KLHL1: variants seen among roughly 807,000 people sequenced by gnomAD.
KLHL1 encodes the protein kelch-like protein 1.
Under a neutral mutation model 77.7 loss-of-function variants are expected in KLHL1, and 47 were observed. That is an observed-to-expected ratio of 0.60 (90% CI 0.48 to 0.77). The LOEUF (loss-of-function observed/expected upper bound fraction) is 0.77. Ranked by LOEUF, KLHL1 falls within the 30% of genes least tolerant of loss-of-function variation. The pLI is 0.00. For missense variants in KLHL1, 925 were observed against 910.8 expected (o/e 1.02, Z -0.20); for synonymous variants, 360 against 325.2 (o/e 1.11, Z -1.15).
Position 69,838,950 on chromosome 13 carries a change from A to G in KLHL1, c.1414+26T>C, listed in dbSNP as rs1879134558. Reference sequence around the variant, plus strand: ...CAACACGGTATAACACAGGATGTATAGTTATATAAATCCAGAATTAAATAC... The same window carrying G: ...CAACACGGTATAACACAGGATGTATGGTTATATAAATCCAGAATTAAATAC... On this transcript the variant is annotated intron_variant, in intron 6 of 10. Transcript: ENST00000377844. 5 of 1,521,974 alleles carry G rather than the reference A, an allele frequency of 3.3e-6. No homozygotes were observed. The East Asian group carries it at 1.1e-4, about 35-fold the overall frequency. The allele number at this position is 1,521,974 out of a possible 1,614,324, so 94.3% of individuals were successfully genotyped here.
chr13:69,951,420 A>G (rs1883708469), intron 3 of KLHL1, among the ~76,000 whole-genome samples: 1 of 151,558 alleles, frequency 6.6e-6, no homozygotes, highest in African/African-American at 2.4e-5. Context: ...GCAAGTTAGT[A>G]GGAACATGTT....
chr13:69,845,315 A>G (rs1879416673), intron 5 of KLHL1, among the ~76,000 whole-genome samples: 1 of 151,702 alleles, frequency 6.6e-6, no homozygotes, highest in Non-Finnish European at 1.5e-5. Flanking sequence ...TCAACACTGA[A>G]CACATTTCAC....
intron 5 of KLHL1, among the ~76,000 whole-genome samples, chr13:69,876,809 G>T (rs569927379): frequency 6.6e-6 from 1 of 152,128 alleles, no homozygotes; most frequent in South Asian, 2.1e-4. Context: ...AGGCCGAGGC[G>T]GGTGGATCAC....
chr13:69,732,746 A>G (rs1271251199), intron 8 of KLHL1, among the ~76,000 whole-genome samples: 1 of 151,376 alleles, frequency 6.6e-6, no homozygotes, highest in African/African-American at 2.4e-5. Context: ...AGACACACCT[A>G]GTTTGCGGTT....
chr13:69,945,119 G>A (rs920233861), intron 3 of KLHL1, among the ~76,000 whole-genome samples: 5 of 150,286 alleles, frequency 3.3e-5, no homozygotes, highest in African/African-American at 1.2e-4. Context: ...CCAGGTAGCT[G>A]GGATTACAGT....
At chr13:69,771,900 C>G (rs1875587370) in intron 7 of KLHL1, among the ~76,000 whole-genome samples, 1 of 151,970 alleles carries the variant, frequency 6.6e-6, no homozygotes, top group South Asian at 2.1e-4. Context: ...ACTTTTTTCT[C>G]ATGTATATCT....
chr13:69,993,849 G>A (rs1370436899), intron 1 of KLHL1, among the ~76,000 whole-genome samples: 1 of 152,076 alleles, frequency 6.6e-6, no homozygotes, highest in Admixed American at 6.6e-5. Flanking sequence ...ATGACCCCAA[G>A]ATACTGGCAT....
intron 1 of KLHL1, among the ~76,000 whole-genome samples, chr13:70,011,923 A>C (rs1028437825): frequency 5.9e-5 from 9 of 152,204 alleles, no homozygotes; most frequent in African/African-American, 2.2e-4. Context: ...GGGAGGCTTC[A>C]CAATCATGGT....
At chr13:69,974,330 G>T (rs1325310080) in intron 2 of KLHL1, among the ~76,000 whole-genome samples, 2 of 151,026 alleles carry the variant, frequency 1.3e-5, no homozygotes, top group Non-Finnish European at 3.0e-5. Flanking sequence ...AGATGTTTTA[G>T]AACAATATAA....
At chr13:69,715,017 C>T (rs1288753583) in intron 9 of KLHL1, among the ~76,000 whole-genome samples, 1 of 152,134 alleles carries the variant, frequency 6.6e-6, no homozygotes, top group African/African-American at 2.4e-5. Flanking sequence ...AAATTCTGGG[C>T]AGCATATCTA....
intron 1 of KLHL1, among the ~76,000 whole-genome samples, chr13:70,033,282 T>A (rs1886150957): frequency 6.6e-6 from 1 of 152,038 alleles, no homozygotes; most frequent in Non-Finnish European, 1.5e-5. Flanking sequence ...TTTTTTGTTT[T>A]GTTTTGTTTC....
At chr13:70,088,581 G>A (rs914180701) in intron 1 of KLHL1, among the ~76,000 whole-genome samples, 2 of 152,072 alleles carry the variant, frequency 1.3e-5, no homozygotes, top group Non-Finnish European at 2.9e-5. Flanking sequence ...TATTTAGGAT[G>A]CTGAGGCAAG....
intron 5 of KLHL1, among the ~76,000 whole-genome samples, chr13:69,872,326 C>T (rs1880615931): frequency 6.6e-6 from 1 of 150,426 alleles, no homozygotes; most frequent in Non-Finnish European, 1.5e-5. Context: ...AGCCTCCTGC[C>T]CTACAGCCTC....
intron 4 of KLHL1, among the ~76,000 whole-genome samples, chr13:69,926,230 G>C (rs967765987): frequency 1.3e-5 from 2 of 152,204 alleles, no homozygotes; most frequent in East Asian, 3.9e-4. Flanking sequence ...TCAAAGGGTG[G>C]CATATTGCCC....
At chr13:69,734,680 A>T (rs925143908) in intron 8 of KLHL1, among the ~76,000 whole-genome samples, 1 of 152,144 alleles carries the variant, frequency 6.6e-6, no homozygotes, top group Non-Finnish European at 1.5e-5. Context: ...AATTAGGACA[A>T]TCACAATATA....
chr13:70,052,400 T>C (rs1886651086), intron 1 of KLHL1, among the ~76,000 whole-genome samples: 1 of 151,892 alleles, frequency 6.6e-6, no homozygotes, highest in Non-Finnish European at 1.5e-5. Flanking sequence ...TTGGAGCAAG[T>C]ATATACCAAA....
At chr13:70,092,499 A>G (rs1163916689) in intron 1 of KLHL1, among the ~76,000 whole-genome samples, 2 of 152,192 alleles carry the variant, frequency 1.3e-5, no homozygotes, top group African/African-American at 4.8e-5. Context: ...TTTCACAACA[A>G]AAGTAATATT....
rs1882506964 is a variant in KLHL1 at position 69,918,101 on chromosome 13, ATATT to A, written c.1014+21935_1014+21938del. ...TAAATGTGGTATTTCACTTTACCTT[ATATT>A]TATTTGTTTATTTTTGATAACCTAA... is the stretch of plus-strand genomic sequence containing the variant. On this transcript the variant is annotated intron_variant, in intron 4 of 10. Coordinates refer to ENST00000377844, the MANE Select transcript of KLHL1 (RefSeq NM_020866.3). Among the ~76,000 whole-genome samples, 3 of 152,168 alleles carry A rather than the reference ATATT, an allele frequency of 2.0e-5. No individual in the cohort carries two copies. The South Asian group carries it at 6.2e-4, about 32-fold the overall frequency.
intron 7 of KLHL1, among the ~76,000 whole-genome samples, chr13:69,758,998 C>T (rs140065736): frequency 6.6e-6 from 1 of 152,220 alleles, no homozygotes; most frequent in Non-Finnish European, 1.5e-5. Flanking sequence ...GTCCCAAGAG[C>T]TTACATGGCA....
Sources: gnomAD v4.1 joint callset for allele counts (sites outside exome capture counted in the v4.1 genomes callset) on GRCh38, gnomAD v4.1.1 for gene constraint, MANE v1.5 for transcripts, NCBI Gene and HGNC (gene_info 2026-07-23, HGNC 2026-07-21) for gene names.